Variants in SRGAP1 observed in about 807,000 individuals in gnomAD.
SRGAP1 encodes SLIT-ROBO Rho GTPase-activating protein 1.
A neutral mutation model predicts 121.9 loss-of-function variants in SRGAP1; 43 were observed. The observed-to-expected ratio is 0.35, with a 90% CI of 0.28 to 0.46. SRGAP1 has a LOEUF of 0.46. SRGAP1 is among the 20% of genes least tolerant of loss of function. The pLI, the probability that SRGAP1 is intolerant of heterozygous loss-of-function variation, is 1.00. For synonymous variants in SRGAP1, 447 were observed against 485.4 expected, an observed-to-expected ratio of 0.92 and a Z score of 1.04; for missense variants, 1,102 against 1,350.9, an observed-to-expected ratio of 0.82 and a Z score of 2.89.
chr12:64,136,384 A>C (rs909591055), intron 21 of SRGAP1, among the ~76,000 whole-genome samples: 1 of 152,198 alleles, frequency 6.6e-6, no homozygotes, highest in Non-Finnish European at 1.5e-5. Context: ...ATGTATGTTT[A>C]TAATCAGTGA....
intron 1 of SRGAP1, among the ~76,000 whole-genome samples, chr12:63,892,597 G>T (rs991387448): frequency 6.6e-6 from 1 of 152,024 alleles, no homozygotes; most frequent in Admixed American, 6.6e-5. Context: ...GTGAGTTACA[G>T]TATGGGAAGT....
At chr12:64,032,449 C>T in intron 4 of SRGAP1, 1 of 740,394 alleles carries the variant, frequency 1.4e-6, no homozygotes. Flanking sequence ...CCTGAGTTTG[C>T]CCCACCATTG....
At chr12:64,017,698 T>C (rs924816218) in intron 4 of SRGAP1, among the ~76,000 whole-genome samples, 7 of 152,068 alleles carry the variant, frequency 4.6e-5, no homozygotes, top group Non-Finnish European at 1.0e-4. Context: ...TTGAGCAATT[T>C]AGGTTGCGTT....
At position 64,148,740 on chromosome 12, in the gene SRGAP1, T is replaced by TAA. The variant is rs1463462507; in HGVS notation, c.*6070_*6071dup. 1 of 152,210 alleles carries TAA rather than the reference T, an allele frequency of 6.6e-6. No homozygotes were observed. The highest frequency in any genetic ancestry group is 1.5e-5 in the Non-Finnish European group (1 of 68,022). The allele number at this position is 152,210 out of a possible 1,614,324, so 9.4% of individuals were successfully genotyped here. ...CAAATCAAGGAAAAACACTTTTTATTAAAGTGCAGAATACTAACAAAAGTG... is the reference window on the plus strand; with the variant it reads ...CAAATCAAGGAAAAACACTTTTTATTAAAAAGTGCAGAATACTAACAAAAGTG... On this transcript the variant is annotated 3_prime_UTR_variant, in exon 22 of 22. Transcript: ENST00000355086.
intron 1 of SRGAP1, among the ~76,000 whole-genome samples, chr12:63,949,405 A>G (rs1273087697): frequency 7.1e-5 from 4 of 56,290 alleles, no homozygotes; most frequent in Non-Finnish European, 1.3e-4. Flanking sequence ...ATTTATTATT[A>G]TTATTATTAT....
chr12:64,097,284 C>T lies in SRGAP1; in HGVS notation c.1722C>T (p.Asn574=), dbSNP rs1216094457. 11 of 1,607,380 alleles carry T rather than the reference C, an allele frequency of 6.8e-6. No homozygotes were observed. The highest frequency in any genetic ancestry group is 1.7e-5 in the Admixed American group (1 of 59,598). The stretch of plus-strand genomic sequence containing the variant: ...ATGACCAGAGTAACCATGATATTAA[C>T]TCAGTTGCTGGCGTTCTGAAGCTCT... ...LADDQSNHDI[N]SVAGVLKLYF... The change falls in exon 15 of 22, where the codon AAC becomes AAT. Residue 574 remains asparagine, a synonymous_variant. Transcript: ENST00000355086.
At chr12:64,112,213 C>T (rs2036441324) in intron 17 of SRGAP1, among the ~76,000 whole-genome samples, 2 of 152,134 alleles carry the variant, frequency 1.3e-5, no homozygotes, top group South Asian at 2.1e-4. Flanking sequence ...TCTACCCTAT[C>T]GTGGTTTTTG....
At chr12:63,904,696 C>T (rs1184775910) in intron 1 of SRGAP1, among the ~76,000 whole-genome samples, 4 of 152,030 alleles carry the variant, frequency 2.6e-5, no homozygotes, top group African/African-American at 7.2e-5. Context: ...TTTGGGAGGC[C>T]GAGTTGGGAG....
chr12:64,138,185 T>C lies in SRGAP1; in HGVS notation c.2881-4110T>C, dbSNP rs1458267754. Among the ~76,000 whole-genome samples the C allele has an allele frequency of 5.3e-5, 8 of 151,884 alleles. No homozygotes were observed. The East Asian group carries it at 1.5e-3, about 29-fold the overall frequency. On this transcript the variant is annotated intron_variant, in intron 21 of 21. Coordinates refer to ENST00000355086, the MANE Select transcript of SRGAP1 (RefSeq NM_020762.4). ...TTTGTTTCTATGAATTGGACTCCTT[T>C]AGTTACTGCATATAAGTGCAATCAT...
chr12:64,006,214 G>T (rs1691389494), intron 3 of SRGAP1, among the ~76,000 whole-genome samples: 1 of 152,140 alleles, frequency 6.6e-6, no homozygotes, highest in Non-Finnish European at 1.5e-5. Context: ...TATACTGGCA[G>T]ACCAGCAAGG....
At position 64,154,660 on chromosome 12, in the gene SRGAP1, A is replaced by T. The variant is rs1447622999; in HGVS notation, c.*11988A>T. ...ATGTACAACCAAGTATTCACGTTTG[A>T]ATTTATTTAATTTAAGATAGGTATT... is the stretch of plus-strand genomic sequence containing the variant. On this transcript the variant is annotated 3_prime_UTR_variant, in exon 22 of 22. Coordinates refer to ENST00000355086, the MANE Select transcript of SRGAP1 (RefSeq NM_020762.4). 4 of 152,156 alleles carry T rather than the reference A, an allele frequency of 2.6e-5. No individual in the cohort carries two copies. The highest frequency in any genetic ancestry group is 5.9e-5 in the Non-Finnish European group (4 of 68,040). The allele number at this position is 152,156 out of a possible 1,614,324, so 9.4% of individuals were successfully genotyped here. A position where few individuals can be genotyped will look rare whatever the true frequency, so the allele number is the denominator to read the frequency against.
chr12:64,048,083 C>T (rs984811195), intron 6 of SRGAP1, among the ~76,000 whole-genome samples: 1 of 152,096 alleles, frequency 6.6e-6, no homozygotes, highest in Non-Finnish European at 1.5e-5. Flanking sequence ...TGTAGTCACC[C>T]TATTGTGCTG....
At chr12:64,110,627 C>A (rs1813563761) in intron 16 of SRGAP1, among the ~76,000 whole-genome samples, 1 of 152,194 alleles carries the variant, frequency 6.6e-6, no homozygotes, top group African/African-American at 2.4e-5. Context: ...CTGTGACTGT[C>A]TCCACTGAGC....
At chr12:63,927,464 C>T (rs1413809616) in intron 1 of SRGAP1, among the ~76,000 whole-genome samples, 1 of 152,190 alleles carries the variant, frequency 6.6e-6, no homozygotes, top group Non-Finnish European at 1.5e-5. Flanking sequence ...CTCATGTTTA[C>T]ACAGAAGCTG....
intron 1 of SRGAP1, among the ~76,000 whole-genome samples, chr12:63,922,254 C>T (rs2031087482): frequency 6.6e-6 from 1 of 152,190 alleles, no homozygotes; most frequent in African/African-American, 2.4e-5. Flanking sequence ...GCTGGGATTA[C>T]AGGCATGAGC....
chr12:63,916,429 C>T (rs1360643066), intron 1 of SRGAP1, among the ~76,000 whole-genome samples: 1 of 152,200 alleles, frequency 6.6e-6, no homozygotes, highest in Non-Finnish European at 1.5e-5. Flanking sequence ...CTTTGAGGAG[C>T]ATGATTTCCT....
intron 1 of SRGAP1, among the ~76,000 whole-genome samples, chr12:63,977,165 G>T (rs892993160): frequency 4.6e-5 from 7 of 152,114 alleles, no homozygotes; most frequent in Non-Finnish European, 1.5e-5. Context: ...ATATTCACAT[G>T]AGCTGTGAGC....
chr12:64,058,772 C>A (rs2035391334), intron 6 of SRGAP1, among the ~76,000 whole-genome samples: 2 of 151,206 alleles, frequency 1.3e-5, no homozygotes, highest in Non-Finnish European at 2.9e-5. Context: ...AACCAAGTAT[C>A]TTGAATCTTA....
At chr12:64,139,335 A>G (rs77407711) in intron 21 of SRGAP1, among the ~76,000 whole-genome samples, 1,594 of 152,362 alleles carry the variant, frequency 0.01, 23 homozygotes, top group African/African-American at 0.036. Flanking sequence ...GAATTAGTCA[A>G]GTGTGTAGTA....
Sources: allele counts gnomAD v4.1 joint callset (sites outside exome capture counted in the v4.1 genomes callset), GRCh38; gene constraint gnomAD v4.1.1; transcripts MANE v1.5; gene names NCBI Gene and HGNC (gene_info 2026-07-23, HGNC 2026-07-21).